The following FARS2 variants were observed in gnomAD, a reference collection of about 807,000 sequenced individuals.
FARS2 encodes phenylalanyl-tRNA synthetase 2, mitochondrial.
FARS2 carries 40 observed loss-of-function variants against 46.4 expected under a neutral mutation model. That is an observed-to-expected ratio of 0.86 (90% CI 0.67 to 1.12). The LOEUF is 1.12. FARS2 is among the 50% of genes most tolerant of loss of function. FARS2 has a pLI of 0.00. For synonymous variants in FARS2, 234 were observed against 214.9 expected (o/e 1.09, Z -0.78); for missense variants, 513 against 567.9 (o/e 0.90, Z 0.98).
In FARS2 at chr6:5,685,171, T is replaced by C. The variant is rs1426830196; in HGVS notation, c.1217+71851T>C. On this transcript the variant is annotated intron_variant, in intron 6 of 6. Transcript: ENST00000274680. The stretch of plus-strand genomic sequence containing the variant: ...AGCAAAAGGGGAGGGTTCCTATCAT[T>C]TGGGGCCAGAACCAATCAATAGTTT... 2.6e-5 allele frequency among the ~76,000 whole-genome samples: 4 copies of C among 152,102 alleles called. No homozygotes were observed. In the East Asian group the frequency reaches 7.7e-4, roughly 29 times the overall value.
intron 4 of FARS2, among the ~76,000 whole-genome samples, chr6:5,469,857 G>A (rs1031735931): frequency 1.9e-4 from 29 of 152,262 alleles, no homozygotes; most frequent in African/African-American, 7.0e-4. Flanking sequence ...AGGATTTTGA[G>A]GTTCTGCATC....
chr6:5,546,929 G>GTTATT (rs58939691), intron 5 of FARS2, among the ~76,000 whole-genome samples: 2,036 of 151,158 alleles, frequency 0.013, 20 homozygotes, highest in African/African-American at 0.027. Flanking sequence ...ATTCATAATG[G>GTTATT]TTATTTTATT....
chr6:5,332,263 C>G (rs1346929500), intron 1 of FARS2, among the ~76,000 whole-genome samples: 1 of 152,194 alleles, frequency 6.6e-6, no homozygotes, highest in Admixed American at 6.5e-5. Flanking sequence ...AAGAATGAAG[C>G]CACGCACTTT....
chr6:5,551,794 T>C (rs1403858556), intron 5 of FARS2, among the ~76,000 whole-genome samples: 1 of 152,150 alleles, frequency 6.6e-6, no homozygotes, highest in Non-Finnish European at 1.5e-5. Context: ...GTTCTTAGCT[T>C]ATGACAGCAT....
intron 4 of FARS2, among the ~76,000 whole-genome samples, chr6:5,485,598 G>C (rs571169535): frequency 2.6e-5 from 4 of 152,346 alleles, no homozygotes; most frequent in African/African-American, 9.6e-5. Flanking sequence ...GAGCCTGATA[G>C]TAAATACTTT....
intron 6 of FARS2, among the ~76,000 whole-genome samples, chr6:5,760,935 T>C (rs540484579): frequency 1.6e-4 from 24 of 152,342 alleles, no homozygotes; most frequent in Admixed American, 1.5e-3. Context: ...ACACAGCCTG[T>C]CCTCTTTCAG....
intron 6 of FARS2, among the ~76,000 whole-genome samples, chr6:5,665,707 A>G (rs1286976966): frequency 6.6e-6 from 1 of 152,220 alleles, no homozygotes; most frequent in East Asian, 1.9e-4. Context: ...GCATTTAGCC[A>G]TTTGAAAAGA....
intron 4 of FARS2, among the ~76,000 whole-genome samples, chr6:5,438,229 G>T (rs1253524620): frequency 3.3e-5 from 2 of 61,432 alleles, no homozygotes; most frequent in Non-Finnish European, 6.8e-5. Flanking sequence ...TACTTTCAAG[G>T]CTTCTACCCA....
At chr6:5,250,339 C>A in the FARS2 span, among the ~76,000 whole-genome samples, 2 of 152,106 alleles carry the variant, frequency 1.3e-5, no homozygotes, top group Non-Finnish European at 2.9e-5. Context: ...GATCTAATAA[C>A]TTTTTAACAC....
upstream of FARS2, among the ~76,000 whole-genome samples, chr6:5,258,652 G>A (rs1259805250): frequency 6.6e-6 from 1 of 152,126 alleles, no homozygotes; most frequent in African/African-American, 2.4e-5. Context: ...GGTAATAGCA[G>A]GAATGTCGGT....
intron 6 of FARS2, among the ~76,000 whole-genome samples, chr6:5,710,980 G>A (rs1439637258): frequency 7.2e-5 from 11 of 152,190 alleles, no homozygotes; most frequent in Non-Finnish European, 1.2e-4. Context: ...AGCTTAAAAA[G>A]CAAGTCTACA....
intron 6 of FARS2, among the ~76,000 whole-genome samples, chr6:5,687,361 G>T (rs997519881): frequency 1.3e-5 from 2 of 152,126 alleles, no homozygotes; most frequent in African/African-American, 4.8e-5. Context: ...AATCCATCTC[G>T]CATTAATTTT....
intron 5 of FARS2, among the ~76,000 whole-genome samples, chr6:5,590,107 T>G (rs1773828971): frequency 6.6e-6 from 1 of 152,216 alleles, no homozygotes; most frequent in African/African-American, 2.4e-5. Context: ...GTTCAGTACC[T>G]GACATACTCT....
intron 2 of FARS2, among the ~76,000 whole-genome samples, chr6:5,376,214 A>T (rs1318979769): frequency 6.6e-6 from 1 of 152,200 alleles, no homozygotes; most frequent in Admixed American, 6.5e-5. Context: ...ACTATTCTTT[A>T]AACATGTCAT....
rs1209019441 is a variant in FARS2, at chr6:5,410,201, T to C, written c.772+5500T>C. Among the ~76,000 whole-genome samples, 3 of 148,304 alleles carry C rather than the reference T, an allele frequency of 2.0e-5. No homozygotes were observed. In the Admixed American group the frequency reaches 2.1e-4, roughly 10 times the overall value. On this transcript the variant is annotated intron_variant, in intron 3 of 6. Coordinates refer to ENST00000274680, the MANE Select transcript of FARS2 (RefSeq NM_006567.5). ...TGGAGTCTCACTCTGTCATCCAAGC[T>C]AAAGTGCAGTGGTGTGATCTCAGTT... is the stretch of plus-strand genomic sequence containing the variant.
intron 2 of FARS2, among the ~76,000 whole-genome samples, chr6:5,392,311 G>A (rs994079938): frequency 5.3e-5 from 8 of 152,050 alleles, no homozygotes; most frequent in Admixed American, 6.6e-5. Context: ...CTTCTGTGTT[G>A]TGTTGTGCAC....
intron 3 of FARS2, among the ~76,000 whole-genome samples, chr6:5,423,128 A>G (rs1030232037): frequency 6.6e-6 from 1 of 152,048 alleles, no homozygotes; most frequent in Non-Finnish European, 1.5e-5. Flanking sequence ...TCTGTTTACA[A>G]TGCCTCTCTG....
chr6:5,585,917 A>G (rs749958358), intron 5 of FARS2, among the ~76,000 whole-genome samples: 1 of 152,182 alleles, frequency 6.6e-6, no homozygotes, highest in Non-Finnish European at 1.5e-5. Flanking sequence ...TTCTTTGAAT[A>G]TATGCCTAGA....
chr6:5,643,034 T>C (rs567825478), intron 6 of FARS2, among the ~76,000 whole-genome samples: 2 of 152,314 alleles, frequency 1.3e-5, no homozygotes, highest in African/African-American at 4.8e-5. Flanking sequence ...GAGAACGACA[T>C]TATGGGTTCA....
Sources: allele counts gnomAD v4.1 joint callset (sites outside exome capture counted in the v4.1 genomes callset), GRCh38; gene constraint gnomAD v4.1.1; transcripts MANE v1.5; gene names NCBI Gene and HGNC (gene_info 2026-07-23, HGNC 2026-07-21).